DNAJC5B: variants seen among roughly 807,000 people sequenced by gnomAD.
The protein encoded by DNAJC5B is DnaJ heat shock protein family (Hsp40) member C5 beta.
DNAJC5B carries 23 observed loss-of-function variants against 24.7 expected under a neutral mutation model. The ratio of observed to expected loss-of-function variants is 0.93; its 90% confidence interval spans 0.67 to 1.32. The LOEUF is 1.32. Among genes scored for constraint, DNAJC5B ranks in the 40% most tolerant of loss-of-function variants. The pLI is 0.00. For missense variants in DNAJC5B, 238 were observed against 240.8 expected (o/e 0.99, Z 0.08); for synonymous variants, 101 against 90.1 (o/e 1.12, Z -0.68).
At chr8:66,093,197 T>G (rs1218724938) in intron 5 of DNAJC5B, among the ~76,000 whole-genome samples, 1 of 152,230 alleles carries the variant, frequency 6.6e-6, no homozygotes, top group Admixed American at 6.5e-5. Flanking sequence ...GGTGCTGTTA[T>G]GAATGTTCTT....
intron 1 of DNAJC5B, among the ~76,000 whole-genome samples, chr8:66,022,854 A>G (rs1806168810): frequency 6.6e-6 from 1 of 152,006 alleles, no homozygotes; most frequent in Non-Finnish European, 1.5e-5. Flanking sequence ...TCTAATCATA[A>G]CCACTTAAGA....
chr8:66,020,322 G>A (rs898270425), upstream of DNAJC5B, among the ~76,000 whole-genome samples: 1 of 152,200 alleles, frequency 6.6e-6, no homozygotes, highest in African/African-American at 2.4e-5. Flanking sequence ...GCTTGTAAAT[G>A]AAGCATGATG....
At chr8:66,026,584 G>A (rs868620340) in intron 1 of DNAJC5B, among the ~76,000 whole-genome samples, 3 of 152,220 alleles carry the variant, frequency 2.0e-5, no homozygotes, top group Non-Finnish European at 2.9e-5. Context: ...TCTCCGACAC[G>A]CGCAGGACAC....
At chr8:66,016,114 C>T in the DNAJC5B span, among the ~76,000 whole-genome samples, 1 of 152,210 alleles carries the variant, frequency 6.6e-6, no homozygotes, top group East Asian at 1.9e-4. Context: ...TGCCTTATGG[C>T]CACATCCTCT....
chr8:66,076,220 A>T (rs1259699478), intron 3 of DNAJC5B, among the ~76,000 whole-genome samples: 2 of 152,182 alleles, frequency 1.3e-5, no homozygotes, highest in African/African-American at 4.8e-5. Context: ...TTGATAGCTG[A>T]GTTGAACTTT....
intron 1 of DNAJC5B, among the ~76,000 whole-genome samples, chr8:66,033,469 A>T (rs1806404609): frequency 6.6e-6 from 1 of 152,150 alleles, no homozygotes. Flanking sequence ...TTTACAGAGA[A>T]TCATCTCATC....
At chr8:66,092,583 G>C (rs867062594) in intron 5 of DNAJC5B, among the ~76,000 whole-genome samples, 1 of 152,108 alleles carries the variant, frequency 6.6e-6, no homozygotes, top group Non-Finnish European at 1.5e-5. Flanking sequence ...CTCAGAAAAA[G>C]AATGTTACCA....
intron 2 of DNAJC5B, among the ~76,000 whole-genome samples, chr8:66,044,245 C>T (rs529604553): frequency 8.0e-4 from 121 of 152,146 alleles, no homozygotes; most frequent in African/African-American, 2.9e-3. Context: ...GAATTTTGCT[C>T]CACTAAACAA....
chr8:66,062,009 T>C (rs1807093512), intron 3 of DNAJC5B, among the ~76,000 whole-genome samples: 1 of 152,102 alleles, frequency 6.6e-6, no homozygotes, highest in African/African-American at 2.4e-5. Flanking sequence ...CCTGGCCCAC[T>C]GCGCTGTTCC....
rs1806351626 is a variant in DNAJC5B at position 66,031,106 on chromosome 8, TTCA to T, written c.-142+9406_-142+9408del. ...ACAGTCAGGTTTGCATATCAGTGAT[TTCA>T]TCATAACTAGGGAATGGTAAAATCA... On this transcript the variant is annotated intron_variant, in intron 1 of 5. Transcript: ENST00000276570. Among the ~76,000 whole-genome samples, 2 of 152,216 alleles carry T rather than the reference TTCA, an allele frequency of 1.3e-5. 1 individual carries two copies. The highest frequency in any genetic ancestry group is 2.9e-5 in the Non-Finnish European group (2 of 68,028).
chr8:66,089,043 T>C (rs1281821011), intron 5 of DNAJC5B, among the ~76,000 whole-genome samples: 3 of 152,200 alleles, frequency 2.0e-5, no homozygotes, highest in Admixed American at 2.0e-4. Context: ...CACTCTGCTA[T>C]AAAGATACCA....
chr8:66,061,589 TAGAGAG>T (rs565078426), intron 3 of DNAJC5B, among the ~76,000 whole-genome samples: 9 of 142,792 alleles, frequency 6.3e-5, no homozygotes, highest in Admixed American at 1.4e-4. Flanking sequence ...AAAGAATGGA[TAGAGAG>T]AGAGAGAGAG....
upstream of DNAJC5B, among the ~76,000 whole-genome samples, chr8:66,020,719 C>T (rs1806096501): frequency 2.0e-5 from 3 of 151,176 alleles, no homozygotes; most frequent in South Asian, 6.3e-4. Context: ...CTCATTGCAG[C>T]TTCGATATCT....
chr8:66,057,820 G>C (rs897522749), intron 3 of DNAJC5B: 1 of 152,158 alleles, frequency 6.6e-6, no homozygotes, highest in African/African-American at 2.4e-5. Context: ...TTCTGTATCT[G>C]GTGAAACTAT....
chr8:66,061,612 T>C (rs10098049), intron 3 of DNAJC5B, among the ~76,000 whole-genome samples: 1 of 120,060 alleles, frequency 8.3e-6, no homozygotes, highest in East Asian at 3.2e-4. Flanking sequence ...AGAGAGAGAG[T>C]GTGTGTGTGT....
chr8:66,020,556 T>A (rs545622817), upstream of DNAJC5B, among the ~76,000 whole-genome samples: 110 of 151,040 alleles, frequency 7.3e-4, no homozygotes, highest in Non-Finnish European at 1.4e-3. Context: ...TGTCCCTTAC[T>A]CAACACTAGA....
chr8:66,030,037 T>C (rs1365679443), intron 1 of DNAJC5B, among the ~76,000 whole-genome samples: 2 of 152,230 alleles, frequency 1.3e-5, no homozygotes, highest in Non-Finnish European at 2.9e-5. Flanking sequence ...CCTGGTAGTC[T>C]TCCTGTTATG....
chr8:66,021,982 G>A (rs1010455965), intron 1 of DNAJC5B, among the ~76,000 whole-genome samples: 2 of 152,172 alleles, frequency 1.3e-5, no homozygotes, highest in Non-Finnish European at 2.9e-5. Flanking sequence ...GTTAACTAAG[G>A]AAGTATTTTA....
intron 4 of DNAJC5B, among the ~76,000 whole-genome samples, chr8:66,078,117 T>G (rs1407746526): frequency 6.6e-6 from 1 of 152,188 alleles, no homozygotes; most frequent in Non-Finnish European, 1.5e-5. Context: ...CACATCCACC[T>G]GATGGCACCT....
Sources: allele counts gnomAD v4.1 joint callset (sites outside exome capture counted in the v4.1 genomes callset), GRCh38; gene constraint gnomAD v4.1.1; transcripts MANE v1.5; gene names NCBI Gene and HGNC (gene_info 2026-07-23, HGNC 2026-07-21).